Variants in PNPLA1 observed in about 807,000 individuals in gnomAD.
PNPLA1 encodes omega-hydroxyceramide transacylase.
PNPLA1 carries 36 observed loss-of-function variants against 51.7 expected under a neutral mutation model. That is an observed-to-expected ratio of 0.70 (90% CI 0.53 to 0.92). The LOEUF (loss-of-function observed/expected upper bound fraction) is 0.92. Ranked by LOEUF, PNPLA1 falls within the 40% of genes least tolerant of loss-of-function variation. The pLI, the probability that PNPLA1 is intolerant of heterozygous loss-of-function variation, is 0.00. For synonymous variants in PNPLA1, 293 were observed against 280.1 expected (o/e 1.05, Z -0.46); for missense variants, 658 against 682.5 (o/e 0.96, Z 0.40).
intron 6 of PNPLA1, among the ~76,000 whole-genome samples, chr6:36,305,217 C>T (rs894321176): frequency 6.6e-6 from 1 of 152,128 alleles, no homozygotes; most frequent in African/African-American, 2.4e-5. Context: ...CATCAGCTAT[C>T]ATTACTGTTA....
intron 3 of PNPLA1, 139 bp downstream of exon 3, chr6:36,293,265 C>T: frequency 1.1e-6 from 1 of 871,148 alleles, no homozygotes. Context: ...CATGTTGTTA[C>T]TCAGAATTCC....
At position 36,312,497 on chromosome 6, in the gene PNPLA1, TG is replaced by T. The variant is rs1285151430; in HGVS notation, c.*612del. Among the ~76,000 whole-genome samples, 1 of 152,134 alleles carries T rather than the reference TG, an allele frequency of 6.6e-6. No individual in the cohort carries two copies. The highest frequency in any genetic ancestry group is 2.4e-5 in the African/African-American group (1 of 41,420). On this transcript the variant is annotated 3_prime_UTR_variant, in exon 9 of 9. Transcript: ENST00000636260. ...GAGGGTTGCCCAAGGTGTATGAACCTGTAAGGGTGATCCCCGGTGGAACTAA... is the reference window on the plus strand; with the variant it reads ...GAGGGTTGCCCAAGGTGTATGAACCTTAAGGGTGATCCCCGGTGGAACTAA...
chr6:36,273,836 G>A (rs1770007324), intron 1 of PNPLA1, among the ~76,000 whole-genome samples: 2 of 151,446 alleles, frequency 1.3e-5, no homozygotes, highest in Admixed American at 1.3e-4. Flanking sequence ...ACTTGGCCGG[G>A]CTGTGACGGT....
At chr6:36,299,333 C>CTTTTTTTT (rs56352900) in intron 5 of PNPLA1, among the ~76,000 whole-genome samples, 1 of 142,346 alleles carries the variant, frequency 7.0e-6, no homozygotes, top group Non-Finnish European at 1.5e-5. Flanking sequence ...GTTTTTTTGT[C>CTTTTTTTT]TGTTTTTTTT....
chr6:36,271,761 C>T (rs1489191464), intron 1 of PNPLA1, among the ~76,000 whole-genome samples: 3 of 152,146 alleles, frequency 2.0e-5, no homozygotes, highest in Admixed American at 2.0e-4. Flanking sequence ...CAACAGGGGC[C>T]AGGTCATGTG....
At chr6:36,270,943 A>G (rs1176932707) in intron 1 of PNPLA1, among the ~76,000 whole-genome samples, 1 of 152,072 alleles carries the variant, frequency 6.6e-6, no homozygotes, top group East Asian at 1.9e-4. Context: ...AGTGCCTGGG[A>G]GAGTAAAGGA....
At chr6:36,261,933 T>C (rs770213987) in intron 1 of PNPLA1, among the ~76,000 whole-genome samples, 47 of 152,246 alleles carry the variant, frequency 3.1e-4, no homozygotes, top group Non-Finnish European at 1.0e-4. Flanking sequence ...TCTCTTCTTT[T>C]AACCAGGGTA....
chr6:36,267,438 C>T (rs1038778792), upstream of PNPLA1, among the ~76,000 whole-genome samples: 3 of 152,124 alleles, frequency 2.0e-5, no homozygotes, highest in Admixed American at 6.5e-5. Flanking sequence ...TTCTGGCTGG[C>T]GTGTTTGCAT....
intron 1 of PNPLA1, among the ~76,000 whole-genome samples, chr6:36,246,039 C>A (rs545471701): frequency 1.6e-4 from 25 of 152,284 alleles, no homozygotes; most frequent in African/African-American, 5.3e-4. Flanking sequence ...ATTAGGATAT[C>A]TAGCCAACAT....
At chr6:36,259,527 T>G (rs976477524) in intron 1 of PNPLA1, among the ~76,000 whole-genome samples, 2 of 152,134 alleles carry the variant, frequency 1.3e-5, no homozygotes, top group Non-Finnish European at 2.9e-5. Context: ...CATTTTTATG[T>G]ACTGTATCTC....
rs373950735 is a variant in PNPLA1 at position 36,290,815 on chromosome 6, A to C, written c.206-505A>C. ...CTCCTCCTCATGATTCACCGGCCCAAGGCCAGCACCCCTTCCCTGCCCACA... is the reference window on the plus strand; with the variant it reads ...CTCCTCCTCATGATTCACCGGCCCACGGCCAGCACCCCTTCCCTGCCCACA... On this transcript the variant is annotated intron_variant, in intron 1 of 8. Coordinates refer to ENST00000636260, the MANE Select transcript of PNPLA1 (RefSeq NM_001374623.1). 2.0e-3 allele frequency among the ~76,000 whole-genome samples: 309 copies of C among 152,298 alleles called. 2 individuals carry two copies. Among genetic ancestry groups the C allele is most frequent in the African/African-American group, 7.0e-3 (292 of 41,566 alleles).
chr6:36,257,972 T>C (rs114562805), intron 1 of PNPLA1, among the ~76,000 whole-genome samples: 2,222 of 152,286 alleles, frequency 0.015, 57 homozygotes, highest in African/African-American at 0.05. Flanking sequence ...CTCTGATGAA[T>C]AGGAGCTGAA....
intron 2 of PNPLA1, among the ~76,000 whole-genome samples, chr6:36,292,496 G>T (rs1031534947): frequency 1.5e-4 from 23 of 152,014 alleles, no homozygotes; most frequent in African/African-American, 5.6e-4. Context: ...CCCTCTGCCT[G>T]GGATCCCCTC....
chr6:36,288,443 ATTTTTTTT>A (rs34132369), intron 1 of PNPLA1, among the ~76,000 whole-genome samples: 2 of 125,800 alleles, frequency 1.6e-5, no homozygotes, highest in Non-Finnish European at 3.3e-5. Context: ...AGGAGACCCT[ATTTTTTTT>A]TTTTTTTTTT....
At chr6:36,277,668 A>G (rs1346774347) in intron 1 of PNPLA1, among the ~76,000 whole-genome samples, 2 of 152,246 alleles carry the variant, frequency 1.3e-5, no homozygotes, top group Non-Finnish European at 2.9e-5. Context: ...GTTTGAGGCC[A>G]GACTGGGCAA....
At chr6:36,261,393 G>A (rs1311190500) in intron 1 of PNPLA1, among the ~76,000 whole-genome samples, 1 of 152,260 alleles carries the variant, frequency 6.6e-6, no homozygotes, top group Non-Finnish European at 1.5e-5. Context: ...ATAAGGCACA[G>A]AAGTGCTCCC....
At chr6:36,263,094 T>C (rs1195275490) in intron 1 of PNPLA1, among the ~76,000 whole-genome samples, 1 of 152,244 alleles carries the variant, frequency 6.6e-6, no homozygotes, top group African/African-American at 2.4e-5. Flanking sequence ...ACCAAGATTT[T>C]ATTTTATATG....
At chr6:36,284,361 A>G (rs1770411898) in intron 1 of PNPLA1, among the ~76,000 whole-genome samples, 2 of 152,252 alleles carry the variant, frequency 1.3e-5, no homozygotes, top group South Asian at 2.1e-4. Context: ...TTTGGTTTGA[A>G]GTGCTGAATA....
Position 36,294,451 on chromosome 6 carries a change from G to C in PNPLA1, c.714+52G>C. On this transcript the variant is annotated intron_variant, in intron 4 of 8. Coordinates refer to ENST00000636260, the MANE Select transcript of PNPLA1 (RefSeq NM_001374623.1). The surrounding 1 kb of genome is among the most constrained non-coding windows in gnomAD (Gnocchi z 4.2). ...TAGCAGAAGGTACCAGGGACTAGGG[G>C]TGGGGTTAGAGAGCCACTGGGGCCC... 6.4e-7 allele frequency: 1 copy of C among 1,563,576 alleles called. No individual in the cohort carries two copies. The highest frequency in any genetic ancestry group is 8.8e-7 in the Non-Finnish European group (1 of 1,140,308).
Sources: allele counts gnomAD v4.1 joint callset (sites outside exome capture counted in the v4.1 genomes callset), GRCh38; gene constraint gnomAD v4.1.1; non-coding constraint Gnocchi (gnomAD v3.1); transcripts MANE v1.5; gene names NCBI Gene and HGNC (gene_info 2026-07-23, HGNC 2026-07-21).